The following ENTPD8 variants were observed in gnomAD, a reference collection of about 807,000 sequenced individuals.
ENTPD8 encodes the protein ectonucleoside triphosphate diphosphohydrolase 8.
ENTPD8 carries 35 observed loss-of-function variants against 47.0 expected under a neutral mutation model. The observed-to-expected ratio is 0.75, with a 90% CI of 0.57 to 0.99. ENTPD8 has a LOEUF of 0.99. ENTPD8 is among the 50% of genes least tolerant of loss of function. ENTPD8 has a pLI of 0.00. For missense variants in ENTPD8, 668 were observed against 649.9 expected (o/e 1.03, Z -0.30); for synonymous variants, 308 against 290.5 (o/e 1.06, Z -0.61).
Position 137,437,327 on chromosome 9 carries a change from G to C in ENTPD8, c.245-18C>G, listed in dbSNP as rs762446766. The C allele has an allele frequency of 6.2e-7, 1 of 1,604,958 alleles. No homozygotes were observed. Among genetic ancestry groups the C allele is most frequent in the African/African-American group, 1.3e-5 (1 of 74,864 alleles). On this transcript the variant is annotated intron_variant, in intron 3 of 9. Transcript: ENST00000371506. ...TCCAGGCCCTGGAACAGCAGCCGGG[G>C]ACAGAGCTCCAGACCCCGCAGGCTG...
chr9:137,435,637 A>G, intron 8 of ENTPD8, 82 bp downstream of exon 8: 3 of 1,374,910 alleles, frequency 2.2e-6, no homozygotes. Context: ...GCTGCCCAGA[A>G]TGAGGCTCCA....
chr9:137,436,787 C>G (rs746701597), intron 5 of ENTPD8, 36 bp from the exon 6 acceptor site: 1 of 1,601,634 alleles, frequency 6.2e-7, no homozygotes, highest in African/African-American at 1.3e-5. Context: ...TGGGAGCAGC[C>G]ACCCGGACCC....
intron 4 of ENTPD8, 32 bp downstream of exon 4, chr9:137,437,120 AGCCACTC>A (rs766777881): frequency 4.4e-5 from 70 of 1,604,774 alleles, no homozygotes; most frequent in Non-Finnish European, 5.0e-5. Flanking sequence ...TGGCTTCTGC[AGCCACTC>A]CCCGTGGGTG....
chr9:137,436,205 C>T lies in ENTPD8; in HGVS notation c.858G>A (p.Pro286=), dbSNP rs558136802. The change falls in exon 7 of 10, where the codon CCG becomes CCA. Residue 286 remains proline, a synonymous_variant. Coordinates refer to ENST00000371506, the MANE Select transcript of ENTPD8 (RefSeq NM_001033113.2). ...CGTGGACACAGGGTGACTCATACAG[C>T]GGGCCCAGGGCCAGTGTGGTCTGGT... ...SGYQTTLALG[P]LYESPCVHAT... The T allele has an allele frequency of 6.8e-6, 11 of 1,612,184 alleles. No individual in the cohort carries two copies. Among genetic ancestry groups the T allele is most frequent in the Middle Eastern group, 1.6e-4 (1 of 6,074 alleles).
Position 137,435,772 on chromosome 9 carries a change from G to A in ENTPD8, c.1108C>T (p.Leu370=). The change falls in exon 8 of 10, where the codon CTG becomes TTG. Residue 370 remains leucine (L), a synonymous_variant. Transcript: ENST00000371506. ...CAGATGGTGGCGTTGACCGTGCTCA[G>A]GGGCTGCCTGGAGGTGAGGTTCAGG... The part of the protein sequence containing the change: ...HFLNLTSRQP[L]STVNATIWEF... The A allele has an allele frequency of 6.2e-7, 1 of 1,613,600 alleles. No individual in the cohort carries two copies.
intron 3 of ENTPD8, 76 bp downstream of exon 3, chr9:137,437,891 T>C (rs1383143394): frequency 4.5e-6 from 6 of 1,344,724 alleles, no homozygotes; most frequent in Non-Finnish European, 6.3e-6. Context: ...CTCCAAACCC[T>C]TTCCGTGCAG....
chr9:137,435,212 G>T lies in ENTPD8; in HGVS notation c.1288C>A (p.Arg430=), dbSNP rs919059384. 5 of 1,610,844 alleles carry T rather than the reference G, an allele frequency of 3.1e-6. No individual in the cohort carries two copies. In the African/African-American group the frequency reaches 5.3e-5, roughly 17 times the overall value. The stretch of plus-strand genomic sequence containing the variant: ...CCAGGGGAGGCAGTCACCTGCTTTC[G>T]GAACTCGAGGCTGGGCCAGGTCTCC... ...SEETWPSLEF[R]KQAGGVDIGW... The change falls in exon 9 of 10, where the codon CGA becomes AGA. Residue 430 remains arginine (R), a synonymous_variant. Coordinates refer to ENST00000371506, the MANE Select transcript of ENTPD8 (RefSeq NM_001033113.2).
At chr9:137,439,509 G>C (rs1036704864) in intron 1 of ENTPD8, among the ~76,000 whole-genome samples, 1 of 152,164 alleles carries the variant, frequency 6.6e-6, no homozygotes, top group African/African-American at 2.4e-5. Flanking sequence ...CTGACCTGGG[G>C]CTCCTGGGCA....
Position 137,438,510 on chromosome 9 carries a change from C to A in ENTPD8, c.-20-205G>T, listed in dbSNP as rs1224575190. On this transcript the variant is annotated intron_variant, in intron 1 of 9. Transcript: ENST00000371506. The surrounding 1 kb of genome is among the most constrained non-coding windows in gnomAD (Gnocchi z 5.7). ...CGGTCTCCCGTGGCCTTAGAGGCAT[C>A]TCCGGGGCTCAGGCGGCCTCCCGTG... is the stretch of plus-strand genomic sequence containing the variant. Among the ~76,000 whole-genome samples, 1 of 151,408 alleles carries A rather than the reference C, an allele frequency of 6.6e-6. No individual in the cohort carries two copies. The highest frequency in any genetic ancestry group is 1.5e-5 in the Non-Finnish European group (1 of 67,788).
chr9:137,440,264 C>G (rs1285378067), intron 1 of ENTPD8, among the ~76,000 whole-genome samples: 2 of 47,160 alleles, frequency 4.2e-5, no homozygotes, highest in African/African-American at 1.8e-4. Context: ...ATCAGGACAG[C>G]CCCCCAGACC....
Position 137,436,903 on chromosome 9 carries a change from A to T in ENTPD8, c.521T>A (p.Ile174Asn). Reference protein sequence around the residue: ...AGQAEGAFGWITVNYGLGTLV... With the variant: ...AGQAEGAFGWNTVNYGLGTLV... The stretch of plus-strand genomic sequence containing the variant: ...CGTCCCCAAGCCGTAGTTGACAGTG[A>T]TCCAACCAAAGGCACCTTCGGCCTG... Residue 174 changes from isoleucine to asparagine, a missense_variant, in exon 5 of 10, where the codon ATC becomes AAC. Physicochemically the swap from Ile to Asn is moderately radical, Grantham distance 149 (BLOSUM62 -3). Coordinates refer to ENST00000371506, the MANE Select transcript of ENTPD8 (RefSeq NM_001033113.2). The T allele has an allele frequency of 6.2e-7, 1 of 1,613,008 alleles. No homozygotes were observed. The highest frequency in any genetic ancestry group is 1.7e-5 in the Admixed American group (1 of 60,020).
chr9:137,438,277 C>A lies in ENTPD8; in HGVS notation c.9G>T (p.Leu3=). Residue 3 remains leucine, a synonymous_variant, in exon 2 of 10, where the codon CTG becomes CTT. Coordinates refer to ENST00000371506, the MANE Select transcript of ENTPD8 (RefSeq NM_001033113.2). This position sits in a 1 kb window ranked among gnomAD's most constrained non-coding sequence, Gnocchi z 5.7. Reference sequence around the variant, plus strand: ...CCAAGAAGACCTGCTCCTTCCGGGACAGCCCCATGGTGCAGGTGGTACTGG... The same window carrying A: ...CCAAGAAGACCTGCTCCTTCCGGGAAAGCCCCATGGTGCAGGTGGTACTGG... The part of the protein sequence containing the change: MG[L]SRKEQVFLAL... 1 of 1,585,284 alleles carries A rather than the reference C, an allele frequency of 6.3e-7. No individual in the cohort carries two copies. The highest frequency in any genetic ancestry group is 8.6e-7 in the Non-Finnish European group (1 of 1,166,016).
chr9:137,436,363 G>A (rs554212971), intron 6 of ENTPD8, 87 bp from the exon 7 acceptor site: 55 of 1,431,330 alleles, frequency 3.8e-5, no homozygotes, highest in Middle Eastern at 2.5e-4. Flanking sequence ...CGCCAGCCCC[G>A]CGCCCATACC....
At position 137,436,174 on chromosome 9, in the gene ENTPD8, G is replaced by C. The variant is rs542050978; in HGVS notation, c.889C>G (p.Pro297Ala). Residue 297 changes from proline (P) to alanine (A), a missense_variant, in exon 7 of 10, where the codon CCC (proline) becomes GCC (alanine). Coordinates refer to ENST00000371506, the MANE Select transcript of ENTPD8 (RefSeq NM_001033113.2). ...LYESPCVHAT[P>A]PLSLPQNLTV... Reference sequence around the variant, plus strand: ...AGGTTCTGGGGGAGGCTCAGCGGGGGCGTGGCGTGGACACAGGGTGACTCA... The same window carrying C: ...AGGTTCTGGGGGAGGCTCAGCGGGGCCGTGGCGTGGACACAGGGTGACTCA... The C allele has an allele frequency of 5.0e-6, 8 of 1,612,938 alleles. No individual in the cohort carries two copies. The South Asian group carries it at 8.8e-5, about 18-fold the overall frequency.
intron 8 of ENTPD8, 57 bp from the exon 9 acceptor site, chr9:137,435,395 G>A: frequency 6.4e-7 from 1 of 1,569,074 alleles, no homozygotes; most frequent in Non-Finnish European, 8.6e-7. Context: ...AGTCATGCGG[G>A]GACCGCCCCA....
Position 137,437,177 on chromosome 9 carries a change from G to T in ENTPD8, c.377C>A (p.Ala126Asp). 1.2e-6 allele frequency: 2 copies of T among 1,612,902 alleles called. No individual in the cohort carries two copies. Among genetic ancestry groups the T allele is most frequent in the Middle Eastern group, 3.3e-4 (2 of 6,062 alleles). ...GCCTCACCTGAGCAACCTCATGCCAGCCGTGGCCCCCAGGAACGTGGGTGT... is the reference window on the plus strand; with the variant it reads ...GCCTCACCTGAGCAACCTCATGCCATCCGTGGCCCCCAGGAACGTGGGTGT... ...RKTPTFLGAT[A>D]GMRLLSRKNS... Residue 126 changes from alanine (A) to aspartate (D), a missense_variant, in exon 4 of 10, where the codon GCT becomes GAT. Coordinates refer to ENST00000371506, the MANE Select transcript of ENTPD8 (RefSeq NM_001033113.2).
chr9:137,438,251 G>T lies in ENTPD8; in HGVS notation c.35C>A (p.Ala12Asp). 2 of 1,598,042 alleles carry T rather than the reference G, an allele frequency of 1.3e-6. No individual in the cohort carries two copies. The highest frequency in any genetic ancestry group is 1.3e-5 in the African/African-American group (1 of 74,834). The change falls in exon 2 of 10, where the codon GCC becomes GAC. Residue 12 changes from alanine to aspartate, a missense_variant. Coordinates refer to ENST00000371506, the MANE Select transcript of ENTPD8 (RefSeq NM_001033113.2). The surrounding 1 kb of genome is among the most constrained non-coding windows in gnomAD (Gnocchi z 5.7). ...GLSRKEQVFL[A>D]LLGASGVSGL... is the part of the protein sequence containing the mutation. ...TGAGACCCCCGAGGCCCCCAGCAGG[G>T]CCAAGAAGACCTGCTCCTTCCGGGA...
chr9:137,437,514 C>G (rs1015439743), intron 3 of ENTPD8, among the ~76,000 whole-genome samples: 1 of 152,226 alleles, frequency 6.6e-6, no homozygotes, highest in African/African-American at 2.4e-5. Context: ...TGTTTTCAGA[C>G]TTCTAGAATG....
chr9:137,435,381 C>T (rs1352448993), intron 8 of ENTPD8, 43 bp from the exon 9 acceptor site: 2 of 1,588,378 alleles, frequency 1.3e-6, no homozygotes, highest in African/African-American at 1.3e-5. Flanking sequence ...GGCCCCTGAT[C>T]CCCAGTCATG....
Sources: gnomAD v4.1 joint callset for allele counts (sites outside exome capture counted in the v4.1 genomes callset) on GRCh38, gnomAD v4.1.1 for gene constraint, Gnocchi (gnomAD v3.1) non-coding constraint, MANE v1.5 for transcripts, NCBI Gene and HGNC (gene_info 2026-07-23, HGNC 2026-07-21) for gene names.